TBC1D12: variants seen among roughly 807,000 people sequenced by gnomAD.
TBC1D12 encodes TBC1 domain family, member 12.
A neutral mutation model predicts 86.7 loss-of-function variants in TBC1D12; 56 were observed. The ratio of observed to expected loss-of-function variants is 0.65; its 90% confidence interval spans 0.52 to 0.81. The LOEUF (loss-of-function observed/expected upper bound fraction) is 0.81, where lower values mean the gene tolerates loss of function less well. Ranked by LOEUF, TBC1D12 falls within the 30% of genes least tolerant of loss-of-function variation. The pLI is 0.00. For synonymous variants in TBC1D12, 421 were observed against 411.7 expected (o/e 1.02, Z -0.27); for missense variants, 1,023 against 1,038.8 (o/e 0.98, Z 0.21).
intron 2 of TBC1D12, among the ~76,000 whole-genome samples, chr10:94,445,555 A>G (rs956036707): frequency 1.4e-4 from 22 of 152,114 alleles, no homozygotes; most frequent in Non-Finnish European, 2.6e-4. Context: ...TGTCACAGCT[A>G]TTAGTATATG....
intron 2 of TBC1D12, among the ~76,000 whole-genome samples, chr10:94,464,727 T>C (rs922686853): frequency 3.3e-5 from 5 of 152,352 alleles, no homozygotes; most frequent in Admixed American, 2.6e-4. Context: ...CAGTTATTAC[T>C]ATACCCCCAG....
intron 6 of TBC1D12, chr10:94,501,375 T>C (rs183267588): frequency 3.3e-5 from 5 of 150,092 alleles, no homozygotes; most frequent in Non-Finnish European, 7.4e-5. Flanking sequence ...GAGGTTGCGG[T>C]GAGCTGAGAT....
At chr10:94,426,433 A>C (rs995246175) in intron 1 of TBC1D12, among the ~76,000 whole-genome samples, 5 of 151,934 alleles carry the variant, frequency 3.3e-5, no homozygotes, top group African/African-American at 9.7e-5. Flanking sequence ...CATTGATGTA[A>C]TTGTGTGGGT....
intron 2 of TBC1D12, among the ~76,000 whole-genome samples, chr10:94,455,272 T>C (rs2055610959): frequency 6.6e-6 from 1 of 152,202 alleles, no homozygotes; most frequent in South Asian, 2.1e-4. Flanking sequence ...TTTTATACAT[T>C]GTTGGATTAG....
chr10:94,473,100 AT>A (rs1367687208), intron 2 of TBC1D12, among the ~76,000 whole-genome samples: 1 of 152,126 alleles, frequency 6.6e-6, no homozygotes, highest in Non-Finnish European at 1.5e-5. Context: ...CACGCCTGTA[AT>A]CCTAGCACTT....
intron 2 of TBC1D12, among the ~76,000 whole-genome samples, chr10:94,447,265 T>A (rs148073175): frequency 6.6e-6 from 1 of 152,054 alleles, no homozygotes; most frequent in Non-Finnish European, 1.5e-5. Context: ...TGTGGAATTA[T>A]ATGTTTTTTT....
intron 2 of TBC1D12, among the ~76,000 whole-genome samples, chr10:94,444,305 A>C (rs1448896972): frequency 1.3e-5 from 2 of 152,064 alleles, no homozygotes; most frequent in East Asian, 3.8e-4. Flanking sequence ...CTTATTAAAC[A>C]GAATCATTAG....
chr10:94,403,564 C>T lies in TBC1D12; in HGVS notation c.951C>T (p.Gly317=). The change falls in exon 1 of 13, where the codon GGC becomes GGT. Residue 317 remains glycine (G), a synonymous_variant. Coordinates refer to ENST00000225235, the MANE Select transcript of TBC1D12 (RefSeq NM_015188.2). The part of the protein sequence containing the change: ...GASARARRSG[G]FADFFTRNLF... ...CGGCCCGGGCTCGACGGAGTGGCGG[C>T]TTCGCGGACTTCTTCACCAGGTACA... 1 of 1,477,056 alleles carries T rather than the reference C, an allele frequency of 6.8e-7. No homozygotes were observed. Among genetic ancestry groups the T allele is most frequent in the Non-Finnish European group, 8.9e-7 (1 of 1,124,356 alleles). 91.5% of individuals were successfully genotyped at this position (1,477,056 alleles called of 1,614,324 possible).
At chr10:94,426,647 G>A (rs1049087197) in intron 1 of TBC1D12, among the ~76,000 whole-genome samples, 12 of 152,022 alleles carry the variant, frequency 7.9e-5, no homozygotes, top group Admixed American at 2.6e-4. Flanking sequence ...TAACGATCTC[G>A]GCTCACTGCA....
rs748904117 is a variant in TBC1D12 at position 94,500,207 on chromosome 10, T to C, written c.1413-14T>C. ...AAAGTAACTTTCTCCTTTTTTCTCC[T>C]CCTTTAATTCTAGGCGTAGTACAAG... On this transcript the variant is annotated splice_polypyrimidine_tract_variant and intron_variant, in intron 5 of 12. Coordinates refer to ENST00000225235, the MANE Select transcript of TBC1D12 (RefSeq NM_015188.2). 6 of 1,605,438 alleles carry C rather than the reference T, an allele frequency of 3.7e-6. No individual in the cohort carries two copies. The African/African-American group carries it at 8.0e-5, about 22-fold the overall frequency.
intron 11 of TBC1D12, among the ~76,000 whole-genome samples, chr10:94,526,989 T>C (rs1009780888): frequency 7.2e-5 from 11 of 152,190 alleles, no homozygotes; most frequent in African/African-American, 2.4e-4. Context: ...CTTAATTATG[T>C]TGAGCATTTT....
At chr10:94,452,613 T>C (rs1010284857) in intron 2 of TBC1D12, among the ~76,000 whole-genome samples, 14 of 152,172 alleles carry the variant, frequency 9.2e-5, no homozygotes, top group African/African-American at 3.4e-4. Context: ...CATGGCTTGA[T>C]AGCTCATTTC....
intron 12 of TBC1D12, among the ~76,000 whole-genome samples, 180 bp from the exon 13 acceptor site, chr10:94,532,848 T>C (rs933407069): frequency 5.3e-5 from 8 of 152,112 alleles, no homozygotes; most frequent in Admixed American, 2.0e-4. Flanking sequence ...TTGGTAAAAA[T>C]TGGAATCTAA....
At chr10:94,508,457 CTCTT>C (rs1289955537) in intron 7 of TBC1D12, 2 of 151,918 alleles carry the variant, frequency 1.3e-5, no homozygotes, top group Non-Finnish European at 2.9e-5. Context: ...CTCTCTCTCT[CTCTT>C]TCTCTGCTTC....
chr10:94,521,916 T>C, intron 9 of TBC1D12, 39 bp from the exon 10 acceptor site: 2 of 1,529,196 alleles, frequency 1.3e-6, no homozygotes, highest in Non-Finnish European at 1.8e-6. Flanking sequence ...AGATTTATTA[T>C]TGTAAGTCCA....
chr10:94,440,161 T>A, intron 1 of TBC1D12, among the ~76,000 whole-genome samples: 1 of 152,044 alleles, frequency 6.6e-6, no homozygotes, highest in East Asian at 1.9e-4. Context: ...AGAGTGTTTA[T>A]TTCCTTTTCC....
At chr10:94,517,030 G>A (rs1842010178) in intron 9 of TBC1D12, among the ~76,000 whole-genome samples, 1 of 151,800 alleles carries the variant, frequency 6.6e-6, no homozygotes, top group Non-Finnish European at 1.5e-5. Context: ...TTATGTATGA[G>A]CCACTGCACC....
chr10:94,466,260 T>G (rs2055822739), intron 2 of TBC1D12, among the ~76,000 whole-genome samples: 1 of 152,128 alleles, frequency 6.6e-6, no homozygotes, highest in African/African-American at 2.4e-5. Flanking sequence ...TGACCAAATA[T>G]TCTCTAAAAC....
At position 94,497,184 on chromosome 10, in the gene TBC1D12, G is replaced by T; in HGVS notation, c.1412+12G>T. 2 of 1,447,700 alleles carry T rather than the reference G, an allele frequency of 1.4e-6. No homozygotes were observed. Among genetic ancestry groups the T allele is most frequent in the South Asian group, 2.8e-5 (2 of 71,856 alleles). The allele number at this position is 1,447,700 out of a possible 1,614,324, so 89.7% of individuals were successfully genotyped here. A position where few individuals can be genotyped will look rare whatever the true frequency, so the allele number is the denominator to read the frequency against. ...AATTGGGAAGTAATGTAAGTAAGCA[G>T]ACTTTTCCTAAATTCCCATTTGTCT... On this transcript the variant is annotated intron_variant, in intron 5 of 12. Coordinates refer to ENST00000225235, the MANE Select transcript of TBC1D12 (RefSeq NM_015188.2).
Sources: allele counts gnomAD v4.1 joint callset (sites outside exome capture counted in the v4.1 genomes callset), GRCh38; gene constraint gnomAD v4.1.1; transcripts MANE v1.5; gene names NCBI Gene and HGNC (gene_info 2026-07-23, HGNC 2026-07-21).